NSMCE2: variants seen among roughly 807,000 people sequenced by gnomAD.
NSMCE2 encodes E3 SUMO-protein ligase NSE2.
A neutral mutation model predicts 23.8 loss-of-function variants in NSMCE2; 24 were observed. That is an observed-to-expected ratio of 1.01 (90% CI 0.73 to 1.42). The LOEUF (loss-of-function observed/expected upper bound fraction) is 1.42. Among genes scored for constraint, NSMCE2 ranks in the 40% most tolerant of loss-of-function variants. The pLI, the probability that NSMCE2 is intolerant of heterozygous loss-of-function variation, is 0.00. For synonymous variants in NSMCE2, 92 were observed against 94.1 expected, an observed-to-expected ratio of 0.98 and a Z score of 0.13; for missense variants, 284 against 296.5, an observed-to-expected ratio of 0.96 and a Z score of 0.31.
intron 5 of NSMCE2, among the ~76,000 whole-genome samples, chr8:125,212,915 G>A (rs1300445561): frequency 1.3e-5 from 2 of 152,074 alleles, no homozygotes; most frequent in Non-Finnish European, 2.9e-5. Context: ...TTTGGGGTAG[G>A]CAAGTAGAGG....
intron 5 of NSMCE2, among the ~76,000 whole-genome samples, chr8:125,264,585 T>G (rs1012971784): frequency 6.6e-6 from 1 of 152,148 alleles, no homozygotes; most frequent in Non-Finnish European, 1.5e-5. Flanking sequence ...TTTTGTATTT[T>G]TAGTAGAGAT....
intron 4 of NSMCE2, among the ~76,000 whole-genome samples, chr8:125,176,641 A>G (rs1822510810): frequency 6.6e-6 from 1 of 152,252 alleles, no homozygotes; most frequent in South Asian, 2.1e-4. Context: ...TAACAACAAT[A>G]CTAACAGCTA....
intron 7 of NSMCE2, among the ~76,000 whole-genome samples, chr8:125,360,543 C>A (rs1388047279): frequency 6.6e-6 from 1 of 152,030 alleles, no homozygotes; most frequent in Non-Finnish European, 1.5e-5. Context: ...GGAAGAAGAC[C>A]CCTAAAAAAG....
chr8:125,279,279 T>G (rs1827602999), intron 5 of NSMCE2, among the ~76,000 whole-genome samples: 1 of 152,168 alleles, frequency 6.6e-6, no homozygotes, highest in Non-Finnish European at 1.5e-5. Context: ...AGGGTTGGGT[T>G]TTTTCTTATA....
At position 125,286,968 on chromosome 8, in the gene NSMCE2, G is replaced by A. The variant is rs183417205; in HGVS notation, c.419-70251G>A. 5.5e-4 allele frequency among the ~76,000 whole-genome samples: 84 copies of A among 152,224 alleles called. 1 individual carries two copies. Among genetic ancestry groups the A allele is most frequent in the Non-Finnish European group, 9.7e-4 (66 of 68,016 alleles). ...GACGCCAATTGGGAGGTGAACTCCC[G>A]ATCTCACTGTAACGTGCCTCCTCTG... On this transcript the variant is annotated intron_variant, in intron 5 of 7. Coordinates refer to ENST00000287437, the MANE Select transcript of NSMCE2 (RefSeq NM_173685.4).
intron 5 of NSMCE2, among the ~76,000 whole-genome samples, chr8:125,343,031 G>T (rs899609647): frequency 2.0e-5 from 3 of 152,080 alleles, no homozygotes; most frequent in Non-Finnish European, 2.9e-5. Context: ...TGTTTAAATG[G>T]ATCAAAAATA....
intron 5 of NSMCE2, among the ~76,000 whole-genome samples, chr8:125,184,413 C>T (rs1822991936): frequency 6.6e-6 from 1 of 152,076 alleles, no homozygotes; most frequent in Non-Finnish European, 1.5e-5. Flanking sequence ...CACCAGTACA[C>T]ATTATTTGGA....
chr8:125,181,475 C>G (rs1822804527), intron 4 of NSMCE2, among the ~76,000 whole-genome samples: 1 of 152,054 alleles, frequency 6.6e-6, no homozygotes. Flanking sequence ...AATGAGTGTT[C>G]ATAATATACT....
chr8:125,176,459 CT>C (rs934917476), intron 4 of NSMCE2, among the ~76,000 whole-genome samples: 2 of 151,796 alleles, frequency 1.3e-5, no homozygotes, highest in Admixed American at 6.6e-5. Context: ...GGTCTTGGTC[CT>C]TTTTTTTGTT....
intron 3 of NSMCE2, among the ~76,000 whole-genome samples, chr8:125,141,054 T>G (rs998164371): frequency 6.6e-6 from 1 of 152,176 alleles, no homozygotes; most frequent in Non-Finnish European, 1.5e-5. Flanking sequence ...TGAGTTTCCA[T>G]AGTGTTTTTG....
intron 5 of NSMCE2, among the ~76,000 whole-genome samples, chr8:125,280,969 A>C (rs542390952): frequency 6.6e-6 from 1 of 152,222 alleles, no homozygotes; most frequent in South Asian, 2.1e-4. Context: ...GAATGGTAGC[A>C]CAGCTGCACA....
intron 4 of NSMCE2, among the ~76,000 whole-genome samples, chr8:125,175,716 A>G (rs1162112746): frequency 1.3e-5 from 2 of 151,290 alleles, no homozygotes; most frequent in African/African-American, 2.4e-5. Flanking sequence ...TAAGGCAATA[A>G]TGATAATTGG....
intron 5 of NSMCE2, among the ~76,000 whole-genome samples, chr8:125,208,191 G>A (rs150146081): frequency 1.1e-4 from 17 of 152,280 alleles, no homozygotes; most frequent in African/African-American, 3.1e-4. Context: ...AAACAAGGAG[G>A]TATTTGAAGT....
At chr8:125,180,361 G>A (rs1164972368) in intron 4 of NSMCE2, among the ~76,000 whole-genome samples, 1 of 152,082 alleles carries the variant, frequency 6.6e-6, no homozygotes, top group Non-Finnish European at 1.5e-5. Flanking sequence ...CCAGCACTTG[G>A]GGGTTAGCAA....
At chr8:125,116,267 C>T (rs1819002513) in intron 3 of NSMCE2, among the ~76,000 whole-genome samples, 1 of 152,170 alleles carries the variant, frequency 6.6e-6, no homozygotes, top group African/African-American at 2.4e-5. Context: ...TAACAAATGG[C>T]AGAACATTTG....
intron 3 of NSMCE2, among the ~76,000 whole-genome samples, chr8:125,122,296 C>T (rs780913292): frequency 2.6e-5 from 4 of 151,930 alleles, no homozygotes; most frequent in Non-Finnish European, 5.9e-5. Flanking sequence ...TCTTGATTAC[C>T]GTGAATTGAC....
chr8:125,211,340 G>A (rs1824331956), intron 5 of NSMCE2, among the ~76,000 whole-genome samples: 1 of 152,088 alleles, frequency 6.6e-6, no homozygotes, highest in East Asian at 1.9e-4. Context: ...TGCACAGCTT[G>A]CACATGTGTT....
intron 1 of NSMCE2, among the ~76,000 whole-genome samples, chr8:125,094,808 G>GGA (rs764426636): frequency 5.3e-5 from 8 of 151,496 alleles, no homozygotes; most frequent in African/African-American, 1.5e-4. Context: ...CACATGGTAG[G>GGA]GAGAGAGAGA....
chr8:125,167,769 T>C (rs1438201061), intron 4 of NSMCE2, among the ~76,000 whole-genome samples: 1 of 152,182 alleles, frequency 6.6e-6, no homozygotes, highest in African/African-American at 2.4e-5. Flanking sequence ...TAAGATTTTT[T>C]TTTTTTATTT....
Sources: gnomAD v4.1 joint callset for allele counts (sites outside exome capture counted in the v4.1 genomes callset) on GRCh38, gnomAD v4.1.1 for gene constraint, MANE v1.5 for transcripts, NCBI Gene and HGNC (gene_info 2026-07-23, HGNC 2026-07-21) for gene names.